The following FAF1 variants were observed in gnomAD, a reference collection of about 807,000 sequenced individuals.
FAF1 encodes the protein FAS-associated factor 1.
FAF1 carries 25 observed loss-of-function variants against 92.5 expected under a neutral mutation model. That is an observed-to-expected ratio of 0.27 (90% CI 0.20 to 0.38). The LOEUF is 0.38. FAF1 is among the 10% of genes least tolerant of loss of function. The pLI is 1.00. For synonymous variants in FAF1, 234 were observed against 273.2 expected (o/e 0.86, Z 1.42); for missense variants, 636 against 793.3 (o/e 0.80, Z 2.38).
At chr1:50,780,742 C>T in intron 4 of FAF1, 1 of 295,198 alleles carries the variant, frequency 3.4e-6, no homozygotes, top group Non-Finnish European at 6.8e-6. Flanking sequence ...TGCTCTGATG[C>T]TGGAGAACAA....
chr1:50,472,960 G>T (rs540954426), intron 18 of FAF1, among the ~76,000 whole-genome samples: 5 of 152,200 alleles, frequency 3.3e-5, no homozygotes, highest in African/African-American at 1.2e-4. Flanking sequence ...AAAGAGTCCT[G>T]GGTGGGCTTT....
chr1:50,585,448 C>T (rs1651181285), intron 9 of FAF1, among the ~76,000 whole-genome samples: 1 of 152,084 alleles, frequency 6.6e-6, no homozygotes, highest in Non-Finnish European at 1.5e-5. Flanking sequence ...GATGAATATG[C>T]TCTGTTTATT....
chr1:50,813,954 A>G (rs1643941568), intron 2 of FAF1, among the ~76,000 whole-genome samples: 1 of 152,208 alleles, frequency 6.6e-6, no homozygotes, highest in South Asian at 2.1e-4. Flanking sequence ...CTGAAACTAC[A>G]GATAGTACCA....
chr1:50,739,325 C>T (rs562573392), intron 5 of FAF1, among the ~76,000 whole-genome samples: 1 of 152,090 alleles, frequency 6.6e-6, no homozygotes, highest in East Asian at 1.9e-4. Flanking sequence ...TACATGTGTA[C>T]ATGTGTACAC....
At chr1:50,716,081 A>G (rs1658157273) in intron 6 of FAF1, among the ~76,000 whole-genome samples, 1 of 152,196 alleles carries the variant, frequency 6.6e-6, no homozygotes, top group African/African-American at 2.4e-5. Flanking sequence ...TACACAAAGT[A>G]ATTTTTCAAG....
intron 4 of FAF1, among the ~76,000 whole-genome samples, chr1:50,775,012 G>T (rs894581670): frequency 2.0e-5 from 3 of 152,050 alleles, no homozygotes; most frequent in African/African-American, 7.2e-5. Context: ...TTCAAACCTT[G>T]TTGCATCTTC....
intron 2 of FAF1, among the ~76,000 whole-genome samples, chr1:50,811,942 TA>T (rs1569987078): frequency 1.3e-5 from 2 of 151,870 alleles, no homozygotes; most frequent in African/African-American, 4.8e-5. Context: ...TTGATAAAGG[TA>T]ACAAAAATAA....
chr1:50,534,616 T>G (rs1648369011), intron 15 of FAF1, among the ~76,000 whole-genome samples: 2 of 152,130 alleles, frequency 1.3e-5, no homozygotes, highest in African/African-American at 2.4e-5. Flanking sequence ...TCTTTAAAAA[T>G]GGTCACCTTA....
At chr1:50,777,496 T>C (rs1481180747) in intron 4 of FAF1, among the ~76,000 whole-genome samples, 1 of 152,202 alleles carries the variant, frequency 6.6e-6, no homozygotes, top group Non-Finnish European at 1.5e-5. Flanking sequence ...CATTTCATTA[T>C]TATATATTTC....
intron 5 of FAF1, among the ~76,000 whole-genome samples, chr1:50,742,019 G>A (rs1416929223): frequency 1.3e-5 from 2 of 152,090 alleles, no homozygotes; most frequent in Non-Finnish European, 2.9e-5. Context: ...ATAGAAATAA[G>A]TAACTGAGGC....
chr1:50,823,491 A>G (rs1279045913), intron 2 of FAF1, among the ~76,000 whole-genome samples: 1 of 152,188 alleles, frequency 6.6e-6, no homozygotes. Flanking sequence ...CCATTCTTCC[A>G]TCTGGCCAGG....
At chr1:50,718,535 A>C (rs939658539) in intron 6 of FAF1, among the ~76,000 whole-genome samples, 5 of 150,304 alleles carry the variant, frequency 3.3e-5, no homozygotes, top group African/African-American at 1.3e-4. Context: ...TTATGTGCAT[A>C]TGTTATTTCT....
chr1:50,554,390 T>TATATATATATATATAGAGAGAGAGAGAG, intron 13 of FAF1, among the ~76,000 whole-genome samples: 48 of 93,660 alleles, frequency 5.1e-4, no homozygotes, highest in Non-Finnish European at 7.6e-4. Flanking sequence ...TATATATATA[T>TATATATATATATATAGAGAGAGAGAGAG]AGAGAGAGAG....
chr1:50,445,884 A>C (rs1646221819), intron 18 of FAF1, among the ~76,000 whole-genome samples: 1 of 152,336 alleles, frequency 6.6e-6, no homozygotes, highest in Admixed American at 6.5e-5. Context: ...AAACATGTTT[A>C]TGTAACAAAA....
At chr1:50,517,359 C>T (rs1287905234) in intron 15 of FAF1, among the ~76,000 whole-genome samples, 1 of 152,128 alleles carries the variant, frequency 6.6e-6, no homozygotes, top group African/African-American at 2.4e-5. Context: ...TCATATAGGT[C>T]TCAGTTTCCT....
intron 1 of FAF1, among the ~76,000 whole-genome samples, chr1:50,951,029 G>A (rs1167585787): frequency 3.3e-5 from 5 of 152,176 alleles, no homozygotes; most frequent in Non-Finnish European, 5.9e-5. Context: ...TCAGGAGTTC[G>A]AGACCAGACT....
At chr1:50,666,591 G>A (rs1655645362) in intron 7 of FAF1, among the ~76,000 whole-genome samples, 1 of 152,124 alleles carries the variant, frequency 6.6e-6, no homozygotes, top group African/African-American at 2.4e-5. Flanking sequence ...TCATTAAGTA[G>A]TAACAAGTGG....
intron 1 of FAF1, among the ~76,000 whole-genome samples, chr1:50,908,328 C>T (rs773576102): frequency 6.6e-6 from 1 of 152,164 alleles, no homozygotes; most frequent in Non-Finnish European, 1.5e-5. Flanking sequence ...TGATGTGGTG[C>T]TGAGAAGAAT....
At chr1:50,745,461 T>C (rs72902703) in intron 4 of FAF1, among the ~76,000 whole-genome samples, 2 of 152,256 alleles carry the variant, frequency 1.3e-5, no homozygotes, top group East Asian at 1.9e-4. Context: ...TCATGTCAAA[T>C]TGTAATTCCC....
Sources: gnomAD v4.1 joint callset for allele counts (sites outside exome capture counted in the v4.1 genomes callset) on GRCh38, gnomAD v4.1.1 for gene constraint, MANE v1.5 for transcripts, NCBI Gene and HGNC (gene_info 2026-07-23, HGNC 2026-07-21) for gene names.